The following FUT4 variants were observed in gnomAD, a reference collection of about 807,000 sequenced individuals.
The protein encoded by FUT4 is fucosyltransferase 4.
FUT4 carries 1 observed loss-of-function variant against 3.8 expected under a neutral mutation model. The ratio of observed to expected loss-of-function variants is 0.26; its 90% CI spans 0.09 to 1.25. The LOEUF (loss-of-function observed/expected upper bound fraction) is 1.25, where lower values mean the gene tolerates loss of function less well. Among genes scored for constraint, FUT4 ranks in the 50% most tolerant of loss-of-function variants. The pLI, the probability that FUT4 is intolerant of heterozygous loss-of-function variation, is 0.47. For missense variants in FUT4, 880 were observed against 768.2 expected (o/e 1.15, Z -1.72); for synonymous variants, 417 against 355.3 (o/e 1.17, Z -1.95).
Position 94,543,972 on chromosome 11 carries a change from C to T in FUT4, c.-162C>T. ...GTCTGTTCTAGGGCCTGCTCCTGCG[C>T]GGCAGCTGCTTTAGAAGGTCTCGAG... On this transcript the variant is annotated 5_prime_UTR_variant, in exon 1 of 1. Coordinates refer to ENST00000358752, the MANE Select transcript of FUT4 (RefSeq NM_002033.4). 2 of 984,722 alleles carry T rather than the reference C, an allele frequency of 2.0e-6. No individual in the cohort carries two copies. The highest frequency in any genetic ancestry group is 2.7e-6 in the Non-Finnish European group (2 of 746,150). The allele number at this position is 984,722 out of a possible 1,614,324, so 61.0% of individuals were successfully genotyped here.
At position 94,545,480 on chromosome 11, in the gene FUT4, C is replaced by A; in HGVS notation, c.1347C>A (p.Arg449=). ...VLGPDRANYE[R]FVPRGAFIHV... is the part of the protein sequence containing the mutation. ...GCCCAGACCGTGCCAACTACGAGCG[C>A]TTTGTGCCCCGCGGCGCCTTCATCC... is the stretch of plus-strand genomic sequence containing the variant. The change falls in exon 1 of 1, where the codon CGC becomes CGA. Residue 449 remains arginine, a synonymous_variant. Coordinates refer to ENST00000358752, the MANE Select transcript of FUT4 (RefSeq NM_002033.4). 1 of 1,613,680 alleles carries A rather than the reference C, an allele frequency of 6.2e-7. No individual in the cohort carries two copies. Among genetic ancestry groups the A allele is most frequent in the Non-Finnish European group, 8.5e-7 (1 of 1,179,950 alleles).
Position 94,545,367 on chromosome 11 carries a change from G to A in FUT4, c.1234G>A (p.Ala412Thr). The change falls in exon 1 of 1, where the codon GCT becomes ACT. Residue 412 changes from alanine to threonine, a missense_variant. Coordinates refer to ENST00000358752, the MANE Select transcript of FUT4 (RefSeq NM_002033.4). ...AGTGGCCCGCTACAAGTTCTACCTG[G>A]CTTTCGAGAACTCGCAGCACCTGGA... ...HTVARYKFYL[A>T]FENSQHLDYI... The A allele has an allele frequency of 1.2e-6, 2 of 1,612,948 alleles. No individual in the cohort carries two copies. Among genetic ancestry groups the A allele is most frequent in the Non-Finnish European group, 1.7e-6 (2 of 1,179,854 alleles).
rs766512431 is a variant in FUT4 at position 94,545,254 on chromosome 11, A to G, written c.1121A>G (p.Tyr374Cys). Residue 374 changes from tyrosine (Y) to cysteine (C), a missense_variant, in exon 1 of 1, where the codon TAC (tyrosine) becomes TGC (cysteine). By Grantham distance (194) the Tyr-to-Cys change is radical (BLOSUM62 -2). Coordinates refer to ENST00000358752, the MANE Select transcript of FUT4 (RefSeq NM_002033.4). ...GAGCGCCAGGCCCGGGTCCGCTACT[A>G]CCACCAACTGAGCCAACATGTGACC... ...WDERQARVRYYHQLSQHVTVD... is the reference protein window; with the variant it reads ...WDERQARVRYCHQLSQHVTVD... 4 of 1,611,294 alleles carry G rather than the reference A, an allele frequency of 2.5e-6. No homozygotes were observed. The African/African-American group carries it at 4.0e-5, about 16-fold the overall frequency.
rs529022818 is a variant in FUT4 at position 94,545,021 on chromosome 11, C to T, written c.888C>T (p.Asn296=). 2 of 1,609,822 alleles carry T rather than the reference C, an allele frequency of 1.2e-6. No homozygotes were observed. The highest frequency in any genetic ancestry group is 1.1e-5 in the South Asian group (1 of 90,804). ...CGGGCCAGCGCTGGGTTTGGATGAACTTCGAGTCGCCCTCGCACTCCCCGG... is the reference window on the plus strand; with the variant it reads ...CGGGCCAGCGCTGGGTTTGGATGAATTTCGAGTCGCCCTCGCACTCCCCGG... ...RPPGQRWVWM[N]FESPSHSPGL... The change falls in exon 1 of 1, where the codon AAC becomes AAT. Residue 296 remains asparagine (N), a synonymous_variant. Transcript: ENST00000358752.
At position 94,549,102 on chromosome 11, in the gene FUT4, A is replaced by C. The variant is rs989857941; in HGVS notation, c.*3376A>C. 3.0e-5 allele frequency: 5 copies of C among 167,042 alleles called. No individual in the cohort carries two copies. The highest frequency in any genetic ancestry group is 7.3e-5 in the Non-Finnish European group (5 of 68,126). The allele number at this position is 167,042 out of a possible 1,614,324, so 10.3% of individuals were successfully genotyped here. A position where few individuals can be genotyped will look rare whatever the true frequency, so the allele number is the denominator to read the frequency against. On this transcript the variant is annotated 3_prime_UTR_variant, in exon 1 of 1. Transcript: ENST00000358752. ...GATGATGTATGCCAAGGTGCTTTGT[A>C]TATTGTAAAGTGCTATATAATTATA...
rs1480791361 is a variant in FUT4 at position 94,547,399 on chromosome 11, G to T, written c.*1673G>T. 1 of 166,980 alleles carries T rather than the reference G, an allele frequency of 6.0e-6. No individual in the cohort carries two copies. The highest frequency in any genetic ancestry group is 1.9e-4 in the East Asian group (1 of 5,206). The allele number at this position is 166,980 out of a possible 1,614,324, so 10.3% of individuals were successfully genotyped here. A position where few individuals can be genotyped will look rare whatever the true frequency, so the allele number is the denominator to read the frequency against. ...TCAGTGACTAATTATTGTGGGTAGG[G>T]TCAAGATTAACTAGTTTTATACAGA... On this transcript the variant is annotated 3_prime_UTR_variant, in exon 1 of 1. Transcript: ENST00000358752.
In FUT4 at chr11:94,544,153, C is replaced by A; in HGVS notation, c.20C>A (p.Ala7Glu). The change falls in exon 1 of 1, where the codon GCG (alanine) becomes GAG (glutamate). Residue 7 changes from alanine (A) to glutamate (E), a missense_variant. Physicochemically the swap from Ala to Glu is moderately radical, Grantham distance 107 (BLOSUM62 -1). This residue lies in a region of FUT4 where 447 missense variants were observed against 339.5 expected (regional missense o/e 1.32). Transcript: ENST00000358752. Reference protein sequence around the residue: MRRLWGAARKPSGAGWE... With the variant: MRRLWGEARKPSGAGWE... Reference sequence around the variant, plus strand: ...TAGCGGATGAGGCGCTTGTGGGGCGCGGCCCGGAAGCCCTCGGGCGCGGGC... The same window carrying A: ...TAGCGGATGAGGCGCTTGTGGGGCGAGGCCCGGAAGCCCTCGGGCGCGGGC... 1 of 1,386,464 alleles carries A rather than the reference C, an allele frequency of 7.2e-7. No individual in the cohort carries two copies. Among genetic ancestry groups the A allele is most frequent in the Non-Finnish European group, 9.3e-7 (1 of 1,071,986 alleles). The allele number at this position is 1,386,464 out of a possible 1,614,324, so 85.9% of individuals were successfully genotyped here. A position where few individuals can be genotyped will look rare whatever the true frequency, so the allele number is the denominator to read the frequency against.
In FUT4 at chr11:94,544,826, G is replaced by T; in HGVS notation, c.693G>T (p.Glu231Asp). 6.2e-7 allele frequency: 1 copy of T among 1,602,850 alleles called. No homozygotes were observed. The highest frequency in any genetic ancestry group is 1.1e-5 in the South Asian group (1 of 90,962). The change falls in exon 1 of 1, where the codon GAG becomes GAT. Residue 231 changes from glutamate (E) to aspartate (D), a missense_variant. Physicochemically the swap from Glu to Asp is conservative, Grantham distance 45. Transcript: ENST00000358752. ...TCACCGACCGCGCGTCCTACGGAGA[G>T]GCTCAGGCCGTGCTTTTCCACCACC... ...RLLTDRASYG[E>D]AQAVLFHHRD... is the part of the protein sequence containing the mutation.
chr11:94,544,480 G>C lies in FUT4; in HGVS notation c.347G>C (p.Arg116Pro). Residue 116 changes from arginine to proline, a missense_variant, in exon 1 of 1, where the codon CGA (arginine) becomes CCA (proline). Physicochemically the swap from Arg to Pro is moderately radical, Grantham distance 103 (BLOSUM62 -2). Coordinates refer to ENST00000358752, the MANE Select transcript of FUT4 (RefSeq NM_002033.4). Reference protein sequence around the residue: ...CRSSTPADAWRAEAALPVRAM... With the variant: ...CRSSTPADAWPAEAALPVRAM... The stretch of plus-strand genomic sequence containing the variant: ...TCCTCCACGCCTGCGGACGCGTGGC[G>C]AGCGGAGGCAGCGCTGCCTGTTCGC... 1 of 1,490,522 alleles carries C rather than the reference G, an allele frequency of 6.7e-7. No homozygotes were observed. Among genetic ancestry groups the C allele is most frequent in the Non-Finnish European group, 8.9e-7 (1 of 1,127,054 alleles). The allele number at this position is 1,490,522 out of a possible 1,614,324, so 92.3% of individuals were successfully genotyped here.
chr11:94,546,274 A>G lies in FUT4; in HGVS notation c.*548A>G, dbSNP rs1016943084. ...GGCTCCTGAGAAAGGTGAGGAGGGC[A>G]GTCCAAGAGGGGCCGCTGACTTCTT... is the stretch of plus-strand genomic sequence containing the variant. On this transcript the variant is annotated 3_prime_UTR_variant, in exon 1 of 1. Coordinates refer to ENST00000358752, the MANE Select transcript of FUT4 (RefSeq NM_002033.4). 1 of 254,224 alleles carries G rather than the reference A, an allele frequency of 3.9e-6. No homozygotes were observed. Among genetic ancestry groups the G allele is most frequent in the Non-Finnish European group, 8.4e-6 (1 of 119,628 alleles). The allele number at this position is 254,224 out of a possible 1,614,324, so 15.7% of individuals were successfully genotyped here. A position where few individuals can be genotyped will look rare whatever the true frequency, so the allele number is the denominator to read the frequency against.
At position 94,545,991 on chromosome 11, in the gene FUT4, C is replaced by A. The variant is rs973192002; in HGVS notation, c.*265C>A. The A allele has an allele frequency of 8.1e-5, 50 of 619,586 alleles. No individual in the cohort carries two copies. The highest frequency in any genetic ancestry group is 6.6e-4 in the African/African-American group (36 of 54,944). The allele number at this position is 619,586 out of a possible 1,614,324, so 38.4% of individuals were successfully genotyped here. ...TTAGGGGTGAAGGAGGGGGTTCTTC[C>A]TCACCTTGTAACCAGTGCAGAAATG... On this transcript the variant is annotated 3_prime_UTR_variant, in exon 1 of 1. Transcript: ENST00000358752.
In FUT4 at chr11:94,544,359, C is replaced by T; in HGVS notation, c.226C>T (p.Pro76Ser). The T allele has an allele frequency of 1.9e-6, 3 of 1,546,736 alleles. No individual in the cohort carries two copies. Among genetic ancestry groups the T allele is most frequent in the African/African-American group, 2.8e-5 (2 of 71,046 alleles). The change falls in exon 1 of 1, where the codon CCT (proline) becomes TCT (serine). Residue 76 changes from proline (P) to serine (S), a missense_variant. Pro to Ser is a moderately conservative substitution (Grantham distance 74). Transcript: ENST00000358752. ...GGGAGGAGCAGGGCAGGGCCCGCGG[C>T]CTTTGCATTCTGGGACCGCCCCCTT... ...HLGGAGQGPR[P>S]LHSGTAPFHS...
Position 94,545,854 on chromosome 11 carries a change from A to G in FUT4, c.*128A>G, listed in dbSNP as rs1362084009. ...CAAACACCCATTTTTGCTCTATGGG[A>G]AAAAAACGATTTACCAATTAATATT... On this transcript the variant is annotated 3_prime_UTR_variant, in exon 1 of 1. Transcript: ENST00000358752. The G allele has an allele frequency of 1.7e-6, 2 of 1,168,852 alleles. No homozygotes were observed. 72.4% of individuals were successfully genotyped at this position (1,168,852 alleles called of 1,614,324 possible). A position where few individuals can be genotyped will look rare whatever the true frequency, so the allele number is the denominator to read the frequency against.
In FUT4 at chr11:94,544,480, G is replaced by T; in HGVS notation, c.347G>T (p.Arg116Leu). ...TCCTCCACGCCTGCGGACGCGTGGC[G>T]AGCGGAGGCAGCGCTGCCTGTTCGC... ...CRSSTPADAW[R>L]AEAALPVRAM... Residue 116 changes from arginine (R) to leucine (L), a missense_variant, in exon 1 of 1, where the codon CGA becomes CTA. By Grantham distance (102) the Arg-to-Leu change is moderately radical. This residue lies in a region of FUT4 where 447 missense variants were observed against 339.5 expected (regional missense o/e 1.32). Coordinates refer to ENST00000358752, the MANE Select transcript of FUT4 (RefSeq NM_002033.4). The T allele has an allele frequency of 6.7e-7, 1 of 1,490,522 alleles. No homozygotes were observed. The highest frequency in any genetic ancestry group is 2.9e-5 in the East Asian group (1 of 34,516). The allele number at this position is 1,490,522 out of a possible 1,614,324, so 92.3% of individuals were successfully genotyped here.
At position 94,544,326 on chromosome 11, in the gene FUT4, C is replaced by A. The variant is rs1446504153; in HGVS notation, c.193C>A (p.Arg65=). 3.9e-6 allele frequency: 6 copies of A among 1,553,136 alleles called. No individual in the cohort carries two copies. The highest frequency in any genetic ancestry group is 5.2e-6 in the Non-Finnish European group (6 of 1,156,206). The change falls in exon 1 of 1, where the codon CGG becomes AGG. Residue 65 remains arginine (R), a synonymous_variant. Coordinates refer to ENST00000358752, the MANE Select transcript of FUT4 (RefSeq NM_002033.4). The part of the protein sequence containing the change: ...AHLALAARPA[R]HLGGAGQGPR... ...CCTTGCCCTGGCGGCTCGCCCCGCC[C>A]GGCACTTGGGAGGAGCAGGGCAGGG... is the stretch of plus-strand genomic sequence containing the variant.
chr11:94,545,481 T>A lies in FUT4; in HGVS notation c.1348T>A (p.Phe450Ile). 6.2e-7 allele frequency: 1 copy of A among 1,613,526 alleles called. No individual in the cohort carries two copies. The highest frequency in any genetic ancestry group is 8.5e-7 in the Non-Finnish European group (1 of 1,179,926). The change falls in exon 1 of 1, where the codon TTT (phenylalanine) becomes ATT (isoleucine). Residue 450 changes from phenylalanine to isoleucine, a missense_variant. Coordinates refer to ENST00000358752, the MANE Select transcript of FUT4 (RefSeq NM_002033.4). ...CCCAGACCGTGCCAACTACGAGCGC[T>A]TTGTGCCCCGCGGCGCCTTCATCCA... ...LGPDRANYER[F>I]VPRGAFIHVD...
rs1269103636 is a variant in FUT4, at chr11:94,546,360, G to A, written c.*634G>A. On this transcript the variant is annotated 3_prime_UTR_variant, in exon 1 of 1. Transcript: ENST00000358752. ...GAAGCAAAGTGCTGGATTGTCCTTG[G>A]AGGAAACTTAAGATGAATACATGCG... The A allele has an allele frequency of 5.3e-6, 1 of 187,964 alleles. No homozygotes were observed. Among genetic ancestry groups the A allele is most frequent in the African/African-American group, 2.4e-5 (1 of 41,900 alleles). The allele number at this position is 187,964 out of a possible 1,614,324, so 11.6% of individuals were successfully genotyped here. A position where few individuals can be genotyped will look rare whatever the true frequency, so the allele number is the denominator to read the frequency against.
chr11:94,547,360 TAGAATA>T lies in FUT4; in HGVS notation c.*1637_*1642del, dbSNP rs1195778166. 1 of 166,996 alleles carries T rather than the reference TAGAATA, an allele frequency of 6.0e-6. No individual in the cohort carries two copies. The highest frequency in any genetic ancestry group is 2.4e-5 in the African/African-American group (1 of 41,446). 10.3% of individuals were successfully genotyped at this position (166,996 alleles called of 1,614,324 possible). A position where few individuals can be genotyped will look rare whatever the true frequency, so the allele number is the denominator to read the frequency against. ...AATGGGAGTTTTCTCCTCCACTTATTAGAATAAGGACCCTCAGTGACTAATTATTGT... is the reference window on the plus strand; with the variant it reads ...AATGGGAGTTTTCTCCTCCACTTATTAGGACCCTCAGTGACTAATTATTGT... On this transcript the variant is annotated 3_prime_UTR_variant, in exon 1 of 1. Transcript: ENST00000358752.
chr11:94,549,038 C>T lies in FUT4; in HGVS notation c.*3312C>T, dbSNP rs974716788. On this transcript the variant is annotated 3_prime_UTR_variant, in exon 1 of 1. Coordinates refer to ENST00000358752, the MANE Select transcript of FUT4 (RefSeq NM_002033.4). Reference sequence around the variant, plus strand: ...AGTTTTAGCTTTCTCCTTTACAATGCATGAATGCCTATCCCCCTACAAAAC... The same window carrying T: ...AGTTTTAGCTTTCTCCTTTACAATGTATGAATGCCTATCCCCCTACAAAAC... 4 of 167,026 alleles carry T rather than the reference C, an allele frequency of 2.4e-5. No homozygotes were observed. The highest frequency in any genetic ancestry group is 4.4e-5 in the Non-Finnish European group (3 of 68,136). 10.3% of individuals were successfully genotyped at this position (167,026 alleles called of 1,614,324 possible). A position where few individuals can be genotyped will look rare whatever the true frequency, so the allele number is the denominator to read the frequency against.
Sources: allele counts gnomAD v4.1 joint callset, GRCh38; gene constraint gnomAD v4.1.1; regional missense constraint gnomAD v4.1.1; transcripts MANE v1.5; gene names NCBI Gene and HGNC (gene_info 2026-07-23, HGNC 2026-07-21).